CRACD: variants seen among roughly 807,000 people sequenced by gnomAD.
The protein encoded by CRACD is capping protein inhibiting regulator of actin dynamics.
In CRACD, 56 loss-of-function variants were observed where a neutral mutation model predicts 106.8. The observed-to-expected ratio is 0.52, with a 90% CI of 0.42 to 0.66. The LOEUF is 0.66. Among genes scored for constraint, CRACD ranks in the 30% least tolerant of loss-of-function variants. CRACD has a pLI of 0.00. For synonymous variants in CRACD, 754 were observed against 670.8 expected, an observed-to-expected ratio of 1.12 and a Z score of -1.92; for missense variants, 1,730 against 1,623.2, an observed-to-expected ratio of 1.07 and a Z score of -1.13.
intron 8 of CRACD, among the ~76,000 whole-genome samples, chr4:56,318,227 G>C (rs1245661396): frequency 6.6e-6 from 1 of 152,048 alleles, no homozygotes; most frequent in Non-Finnish European, 1.5e-5. Flanking sequence ...GAACTCCTGG[G>C]ATCATGCATC....
At chr4:56,292,517 C>A (rs576842060) in intron 3 of CRACD, among the ~76,000 whole-genome samples, 26 of 152,150 alleles carry the variant, frequency 1.7e-4, no homozygotes, top group Non-Finnish European at 3.2e-4. Context: ...AGGAGAGAAC[C>A]CAGCCTCTAA....
At chr4:56,175,458 AT>A (rs1258823638) in intron 1 of CRACD, among the ~76,000 whole-genome samples, 4 of 152,086 alleles carry the variant, frequency 2.6e-5, no homozygotes, top group Admixed American at 2.6e-4. Flanking sequence ...GTCTTTTGCC[AT>A]TTTAATTCAG....
chr4:56,268,501 G>T (rs1159356567), intron 2 of CRACD, among the ~76,000 whole-genome samples: 2 of 152,050 alleles, frequency 1.3e-5, no homozygotes, highest in African/African-American at 4.8e-5. Flanking sequence ...AGAAATTTGG[G>T]GGTTTGATAT....
chr4:56,188,930 G>T (rs536475059), intron 2 of CRACD, among the ~76,000 whole-genome samples: 1 of 151,988 alleles, frequency 6.6e-6, no homozygotes, highest in Non-Finnish European at 1.5e-5. Flanking sequence ...CCAGTACTTC[G>T]GAAGGCCGAA....
chr4:56,179,153 A>C (rs1736707777), intron 1 of CRACD, 131 bp from the exon 2 acceptor site: 1 of 139,596 alleles, frequency 7.2e-6, no homozygotes, highest in African/African-American at 2.6e-5. Context: ...TAATTGGAAG[A>C]CTCATGGAGG....
intron 1 of CRACD, among the ~76,000 whole-genome samples, chr4:56,136,036 G>A (rs577020606): frequency 3.2e-4 from 48 of 150,126 alleles, no homozygotes; most frequent in Non-Finnish European, 5.9e-5. Context: ...TTTTTTTTTG[G>A]TGGAGCTTTT....
rs11276099 is a variant in CRACD, at chr4:56,260,882, T to TATCCATCC, written c.-188-11406_-188-11399dup. ...CTTTCTGTCTATCTGTCTGTCTGTG[T>TATCCATCC]ATCCATCCATCCATCCATCCATCCA... On this transcript the variant is annotated intron_variant, in intron 2 of 10. Transcript: ENST00000682029. 9.3e-3 allele frequency among the ~76,000 whole-genome samples: 1,399 copies of TATCCATCC among 149,956 alleles called. 8 individuals carry two copies. Among genetic ancestry groups the TATCCATCC allele is most frequent in the Non-Finnish European group, 0.012 (779 of 67,532 alleles).
intron 3 of CRACD, among the ~76,000 whole-genome samples, chr4:56,279,513 C>T (rs1439942206): frequency 1.3e-5 from 2 of 152,150 alleles, no homozygotes; most frequent in Admixed American, 1.3e-4. Flanking sequence ...CAAAAGAAGA[C>T]ATTTATGCAG....
intron 1 of CRACD, among the ~76,000 whole-genome samples, chr4:56,142,949 A>G (rs1466700332): frequency 3.3e-5 from 5 of 151,518 alleles, no homozygotes; most frequent in Non-Finnish European, 7.4e-5. Context: ...GTTATATTCC[A>G]TTTTACCATT....
chr4:56,299,041 C>T (rs1236708443), intron 4 of CRACD, among the ~76,000 whole-genome samples: 10 of 152,134 alleles, frequency 6.6e-5, no homozygotes, highest in African/African-American at 4.8e-5. Context: ...GTTGACTGAG[C>T]GTGTGCACAA....
intron 2 of CRACD, among the ~76,000 whole-genome samples, chr4:56,188,736 G>GAGAGAGA (rs746010336): frequency 0.028 from 3,463 of 121,700 alleles, 77 homozygotes; most frequent in Admixed American, 0.039. Context: ...AGAGAGAGAG[G>GAGAGAGA]GGTTAACATT....
At chr4:56,309,628 C>T (rs182939435) in intron 5 of CRACD, among the ~76,000 whole-genome samples, 110 of 152,026 alleles carry the variant, frequency 7.2e-4, no homozygotes, top group African/African-American at 2.4e-3. Context: ...CCGAGGTGGG[C>T]GGGTCACCTG....
intron 1 of CRACD, among the ~76,000 whole-genome samples, chr4:56,128,159 G>C (rs1055471030): frequency 6.6e-6 from 1 of 151,744 alleles, no homozygotes; most frequent in Non-Finnish European, 1.5e-5. Context: ...TCTAGGGAGG[G>C]GGCTGAAAGT....
At chr4:56,256,916 C>G (rs538107556) in intron 2 of CRACD, among the ~76,000 whole-genome samples, 1 of 152,254 alleles carries the variant, frequency 6.6e-6, no homozygotes, top group East Asian at 1.9e-4. Flanking sequence ...TTATACCTTT[C>G]TCCCTTTGGA....
At chr4:56,303,557 G>T (rs754505998) in intron 4 of CRACD, among the ~76,000 whole-genome samples, 2 of 152,220 alleles carry the variant, frequency 1.3e-5, no homozygotes, top group Non-Finnish European at 2.9e-5. Context: ...TATCCACATA[G>T]TCAATTCACA....
intron 1 of CRACD, among the ~76,000 whole-genome samples, chr4:56,072,588 TTTTCTTTC>T (rs749010900): frequency 1.3e-5 from 2 of 150,910 alleles, no homozygotes; most frequent in African/African-American, 2.4e-5. Flanking sequence ...TTCTAGACCA[TTTTCTTTC>T]TTTCTTTCTT....
At chr4:56,052,962 G>A (rs1039768980) in intron 1 of CRACD, among the ~76,000 whole-genome samples, 3 of 152,172 alleles carry the variant, frequency 2.0e-5, no homozygotes, top group African/African-American at 7.2e-5. Context: ...TTTCAACTTA[G>A]GGAAGTTAAG....
chr4:56,262,682 A>G (rs1437462323), intron 2 of CRACD, among the ~76,000 whole-genome samples: 1 of 152,188 alleles, frequency 6.6e-6, no homozygotes, highest in African/African-American at 2.4e-5. Flanking sequence ...GTTGAAACAA[A>G]TTTGCACTTT....
chr4:56,302,492 T>C (rs564161564), intron 4 of CRACD, among the ~76,000 whole-genome samples: 2 of 152,300 alleles, frequency 1.3e-5, no homozygotes, highest in African/African-American at 4.8e-5. Flanking sequence ...CTGAGTGGCT[T>C]GTATCTCCCA....
Sources: allele counts gnomAD v4.1 joint callset (sites outside exome capture counted in the v4.1 genomes callset), GRCh38; gene constraint gnomAD v4.1.1; transcripts MANE v1.5; gene names NCBI Gene and HGNC (gene_info 2026-07-23, HGNC 2026-07-21).